Variants in NRXN1 observed in about 807,000 individuals in gnomAD.
NRXN1 encodes the protein neurexin 1.
A neutral mutation model predicts 150.9 loss-of-function variants in NRXN1; 39 were observed. The ratio of observed to expected loss-of-function variants is 0.26; its 90% CI spans 0.20 to 0.34. NRXN1 has a LOEUF of 0.34. NRXN1 is among the 10% of genes least tolerant of loss of function. The pLI, the probability that NRXN1 is intolerant of heterozygous loss-of-function variation, is 1.00. For synonymous variants in NRXN1, 924 were observed against 757.0 expected (o/e 1.22, Z -3.62); for missense variants, 1,815 against 1,949.9 (o/e 0.93, Z 1.30).
intron 18 of NRXN1, among the ~76,000 whole-genome samples, chr2:50,131,031 T>C (rs1040242508): frequency 2.6e-5 from 4 of 152,240 alleles, no homozygotes; most frequent in African/African-American, 9.6e-5. Context: ...AGCTTATTCC[T>C]TCTTGAAACC....
chr2:50,658,188 C>T (rs1025176237), intron 5 of NRXN1, among the ~76,000 whole-genome samples: 1 of 151,918 alleles, frequency 6.6e-6, no homozygotes, highest in Non-Finnish European at 1.5e-5. Context: ...CCTACATTTG[C>T]ATAGGCTATC....
At chr2:50,718,657 G>A (rs900913977) in intron 5 of NRXN1, among the ~76,000 whole-genome samples, 2 of 152,174 alleles carry the variant, frequency 1.3e-5, no homozygotes, top group African/African-American at 2.4e-5. Flanking sequence ...GAGCCCTTCT[G>A]CAGAGTTTCC....
intron 15 of NRXN1, among the ~76,000 whole-genome samples, chr2:50,474,504 T>C (rs10181033): frequency 0.034 from 5,060 of 150,912 alleles, 285 homozygotes; most frequent in African/African-American, 0.11. Context: ...TTTCAAGGAG[T>C]AATGCAAACC....
intron 17 of NRXN1, among the ~76,000 whole-genome samples, chr2:50,276,325 C>T (rs913741849): frequency 2.7e-4 from 41 of 151,922 alleles, no homozygotes; most frequent in Non-Finnish European, 2.9e-5. Context: ...CAATAAAAAG[C>T]GGAAAGTATG....
intron 2 of NRXN1, among the ~76,000 whole-genome samples, chr2:51,006,639 T>C (rs186310553): frequency 2.6e-5 from 4 of 151,916 alleles, no homozygotes; most frequent in Admixed American, 2.6e-4. Flanking sequence ...CACCACATAC[T>C]CAAAAGGTAA....
Position 49,973,807 on chromosome 2 carries a change from A to G in NRXN1, c.4129-30016T>C, listed in dbSNP as rs1372634681. 16 of 580,978 alleles carry G rather than the reference A, an allele frequency of 2.8e-5. No homozygotes were observed. The East Asian group carries it at 3.7e-4, about 13-fold the overall frequency. 36.0% of individuals were successfully genotyped at this position (580,978 alleles called of 1,614,324 possible). ...ACAGCGTGCATAAATTTGACATGCA[A>G]TCTTCAAGAAGAAATATTTTAACAT... On this transcript the variant is annotated intron_variant, in intron 21 of 22. Transcript: ENST00000401669.
intron 17 of NRXN1, among the ~76,000 whole-genome samples, chr2:50,297,041 C>T (rs1299576736): frequency 6.8e-6 from 1 of 147,820 alleles, no homozygotes; most frequent in African/African-American, 2.5e-5. Flanking sequence ...TGCCACCACA[C>T]CCAGCTAATT....
At chr2:50,331,944 A>C (rs2076862894) in intron 17 of NRXN1, among the ~76,000 whole-genome samples, 1 of 152,158 alleles carries the variant, frequency 6.6e-6, no homozygotes, top group African/African-American at 2.4e-5. Context: ...CTACCCCCAG[A>C]TTACTCAATA....
chr2:49,956,455 A>T (rs567648851), intron 21 of NRXN1, among the ~76,000 whole-genome samples: 2 of 152,282 alleles, frequency 1.3e-5, no homozygotes, highest in East Asian at 3.9e-4. Flanking sequence ...CATTTTTACA[A>T]CTAATAAATG....
intron 18 of NRXN1, among the ~76,000 whole-genome samples, chr2:50,130,241 A>G (rs905461482): frequency 6.6e-6 from 1 of 152,094 alleles, no homozygotes; most frequent in African/African-American, 2.4e-5. Context: ...TAATCTGTGT[A>G]GAGAGCTCAA....
chr2:50,053,349 T>C lies in NRXN1; in HGVS notation c.4050A>G (p.Ser1350=), dbSNP rs777164566. The C allele has an allele frequency of 6.2e-7, 1 of 1,614,062 alleles. No homozygotes were observed. Among genetic ancestry groups the C allele is most frequent in the Non-Finnish European group, 8.5e-7 (1 of 1,179,928 alleles). ...CCAGGGTCGTGGTAGTCTCCATAAT[T>C]GATGTGGACATCTCTGATTGCATGG... ...ATAMQSEMST[S]IMETTTTLAT... The change falls in exon 21 of 23, where the codon TCA becomes TCG. Residue 1350 remains serine (S), a synonymous_variant. Transcript: ENST00000401669.
At chr2:50,315,249 C>T (rs746270843) in intron 17 of NRXN1, among the ~76,000 whole-genome samples, 14 of 151,946 alleles carry the variant, frequency 9.2e-5, no homozygotes, top group Non-Finnish European at 1.3e-4. Context: ...GCAGCAGCTC[C>T]GTTTTTCTCA....
chr2:50,490,540 G>A (rs2091191457), intron 15 of NRXN1, among the ~76,000 whole-genome samples: 1 of 152,170 alleles, frequency 6.6e-6, no homozygotes, highest in Admixed American at 6.5e-5. Flanking sequence ...TGTACTGGGG[G>A]GAATTGGAAA....
Position 50,347,184 on chromosome 2 carries a change from G to C in NRXN1, c.3365-110214C>G, listed in dbSNP as rs752901753. 4 of 1,356,400 alleles carry C rather than the reference G, an allele frequency of 2.9e-6. No individual in the cohort carries two copies. The highest frequency in any genetic ancestry group is 3.9e-6 in the Non-Finnish European group (4 of 1,033,754). 84.0% of individuals were successfully genotyped at this position (1,356,400 alleles called of 1,614,324 possible). On this transcript the variant is annotated intron_variant, in intron 17 of 22. Coordinates refer to ENST00000401669, the MANE Select transcript of NRXN1 (RefSeq NM_001330078.2). The surrounding 1 kb of genome is among the most constrained non-coding windows in gnomAD (Gnocchi z 4.9). ...GCCGAGGCGAATGCAGCTGGAGAGG[G>C]GCTTGTCCGGAAAGGCAGCCCCGGG...
chr2:50,671,597 G>A (rs1223118425), intron 5 of NRXN1, among the ~76,000 whole-genome samples: 1 of 151,618 alleles, frequency 6.6e-6, no homozygotes, highest in African/African-American at 2.4e-5. Context: ...ACTATTGATA[G>A]GAAATGGTTG....
intron 18 of NRXN1, among the ~76,000 whole-genome samples, chr2:50,211,470 T>G (rs536920959): frequency 5.9e-4 from 90 of 151,658 alleles, no homozygotes; most frequent in African/African-American, 2.1e-3. Flanking sequence ...GACTATTAAT[T>G]TGAATTATAA....
At chr2:50,613,759 A>C (rs923946078) in intron 8 of NRXN1, among the ~76,000 whole-genome samples, 97 of 152,288 alleles carry the variant, frequency 6.4e-4, no homozygotes, top group African/African-American at 2.3e-3. Flanking sequence ...TAACATGGTG[A>C]AACCCTGTCT....
intron 18 of NRXN1, among the ~76,000 whole-genome samples, chr2:50,162,673 T>G (rs1207551029): frequency 6.6e-6 from 1 of 152,136 alleles, no homozygotes; most frequent in Non-Finnish European, 1.5e-5. Flanking sequence ...ATAGACATTT[T>G]GTATTTCACA....
intron 13 of NRXN1, among the ~76,000 whole-genome samples, chr2:50,499,686 G>A (rs1484064862): frequency 1.3e-5 from 2 of 152,054 alleles, no homozygotes; most frequent in South Asian, 2.1e-4. Flanking sequence ...GGTGGCTCAC[G>A]CCTGTAATCC....
Sources: allele counts gnomAD v4.1 joint callset (sites outside exome capture counted in the v4.1 genomes callset), GRCh38; gene constraint gnomAD v4.1.1; non-coding constraint Gnocchi (gnomAD v3.1); transcripts MANE v1.5; gene names NCBI Gene and HGNC (gene_info 2026-07-23, HGNC 2026-07-21).